Variants in ARHGAP15 observed in about 807,000 individuals in gnomAD.
The protein encoded by ARHGAP15 is Rho GTPase activating protein 15, also known as rho GTPase-activating protein 15.
In ARHGAP15, 51 loss-of-function variants were observed where a neutral mutation model predicts 63.7. The observed-to-expected ratio is 0.80, with a 90% CI of 0.64 to 1.01. The LOEUF (loss-of-function observed/expected upper bound fraction) is 1.01, where lower values mean the gene tolerates loss of function less well. Ranked by LOEUF, ARHGAP15 falls within the 50% of genes least tolerant of loss-of-function variation. The pLI, the probability that ARHGAP15 is intolerant of heterozygous loss-of-function variation, is 0.00. For synonymous variants in ARHGAP15, 191 were observed against 193.8 expected, an observed-to-expected ratio of 0.99 and a Z score of 0.12; for missense variants, 560 against 564.6, an observed-to-expected ratio of 0.99 and a Z score of 0.08.
chr2:143,561,830 T>C (rs1347041405), intron 11 of ARHGAP15, among the ~76,000 whole-genome samples: 1 of 152,126 alleles, frequency 6.6e-6, no homozygotes, highest in Non-Finnish European at 1.5e-5. Context: ...AGAAACAAAA[T>C]TTGAAGAAAA....
At chr2:143,465,724 T>G (rs1279706566) in intron 8 of ARHGAP15, among the ~76,000 whole-genome samples, 1 of 152,116 alleles carries the variant, frequency 6.6e-6, no homozygotes, top group African/African-American at 2.4e-5. Context: ...TTTTTTTTCT[T>G]TTCATCACTA....
At chr2:143,658,547 T>G (rs1160969627) in intron 12 of ARHGAP15, among the ~76,000 whole-genome samples, 1 of 152,148 alleles carries the variant, frequency 6.6e-6, no homozygotes, top group Non-Finnish European at 1.5e-5. Flanking sequence ...AGGCAATTTT[T>G]TGGCTCATGG....
At chr2:143,299,478 A>C (rs1169030234) in intron 6 of ARHGAP15, among the ~76,000 whole-genome samples, 1 of 152,030 alleles carries the variant, frequency 6.6e-6, no homozygotes, top group Non-Finnish European at 1.5e-5. Context: ...ATATTACATT[A>C]TGTAATGTTA....
intron 6 of ARHGAP15, among the ~76,000 whole-genome samples, chr2:143,294,075 G>T (rs1157226349): frequency 6.6e-6 from 1 of 151,892 alleles, no homozygotes; most frequent in Non-Finnish European, 1.5e-5. Context: ...TCTCCTCTAA[G>T]CCCTTCCTTT....
At chr2:143,262,535 A>ATTTTGTTTTTTTTTT (rs1680774422) in intron 6 of ARHGAP15, among the ~76,000 whole-genome samples, 1 of 90,924 alleles carries the variant, frequency 1.1e-5, no homozygotes, top group African/African-American at 4.7e-5. Flanking sequence ...TGAACCTTTG[A>ATTTTGTTTTTTTTTT]TTTTTTTTTT....
intron 5 of ARHGAP15, among the ~76,000 whole-genome samples, chr2:143,234,348 G>A (rs1693559171): frequency 6.6e-6 from 1 of 152,034 alleles, no homozygotes; most frequent in African/African-American, 2.4e-5. Flanking sequence ...TGGTTCTTAT[G>A]TTGCTTTGTT....
intron 13 of ARHGAP15, among the ~76,000 whole-genome samples, chr2:143,754,037 T>A (rs10803497): frequency 0.18 from 26,652 of 152,052 alleles, 2,736 homozygotes; most frequent in East Asian, 0.45. Context: ...ATGTAATTAT[T>A]GTGCCAACAT....
intron 6 of ARHGAP15, among the ~76,000 whole-genome samples, chr2:143,330,119 A>AAC (rs1684464347): frequency 3.0e-5 from 2 of 67,154 alleles, no homozygotes; most frequent in African/African-American, 6.9e-5. Flanking sequence ...AAAAAAAAAA[A>AAC]AAAAAAAAAA....
intron 6 of ARHGAP15, among the ~76,000 whole-genome samples, chr2:143,324,043 T>C (rs1399319426): frequency 3.3e-5 from 5 of 152,150 alleles, no homozygotes; most frequent in Non-Finnish European, 5.9e-5. Context: ...ATGAAGAAGT[T>C]GAGGCCATGT....
At chr2:143,439,059 T>A (rs1469264207) in intron 8 of ARHGAP15, among the ~76,000 whole-genome samples, 1 of 152,158 alleles carries the variant, frequency 6.6e-6, no homozygotes, top group Non-Finnish European at 1.5e-5. Context: ...TCACTACTTC[T>A]CTTTAGAATC....
At chr2:143,238,321 T>C (rs903533838) in intron 5 of ARHGAP15, 13 of 151,878 alleles carry the variant, frequency 8.6e-5, no homozygotes, top group Admixed American at 7.9e-4. Context: ...ATATCCAGAG[T>C]CTATAAGGAA....
chr2:143,266,897 CTA>C (rs1322398032), intron 6 of ARHGAP15, among the ~76,000 whole-genome samples: 1 of 152,124 alleles, frequency 6.6e-6, no homozygotes, highest in Admixed American at 6.5e-5. Context: ...ATAGGCTAAA[CTA>C]TGCTTTGAGA....
intron 6 of ARHGAP15, among the ~76,000 whole-genome samples, chr2:143,391,751 C>T (rs896750049): frequency 4.6e-5 from 7 of 152,004 alleles, no homozygotes; most frequent in Admixed American, 6.6e-5. Context: ...TTGGAACAGC[C>T]GAAGAAGACC....
At chr2:143,166,076 C>A (rs1273906658) in intron 2 of ARHGAP15, among the ~76,000 whole-genome samples, 6 of 150,334 alleles carry the variant, frequency 4.0e-5, no homozygotes, top group Admixed American at 2.6e-4. Context: ...AAAATATCTT[C>A]TTTCTTGTCT....
intron 2 of ARHGAP15, among the ~76,000 whole-genome samples, chr2:143,156,827 T>G (rs1019536953): frequency 6.6e-6 from 1 of 151,942 alleles, no homozygotes; most frequent in Non-Finnish European, 1.5e-5. Context: ...AAGTATTGTC[T>G]CCTGGGAGGT....
chr2:143,732,389 T>C (rs879565630), intron 13 of ARHGAP15, among the ~76,000 whole-genome samples: 1 of 152,248 alleles, frequency 6.6e-6, no homozygotes, highest in African/African-American at 2.4e-5. Context: ...ATTTTAAGTA[T>C]ATTTTAACTT....
intron 13 of ARHGAP15, among the ~76,000 whole-genome samples, chr2:143,739,291 T>C (rs1685872118): frequency 6.6e-6 from 1 of 151,584 alleles, no homozygotes; most frequent in African/African-American, 2.4e-5. Flanking sequence ...CCTGCTGGGG[T>C]TCAAAGCTAG....
intron 6 of ARHGAP15, among the ~76,000 whole-genome samples, chr2:143,329,297 A>G (rs1046498478): frequency 6.6e-6 from 1 of 152,254 alleles, no homozygotes; most frequent in Non-Finnish European, 1.5e-5. Context: ...AAAGGAGATG[A>G]TCCTGAGTGG....
intron 9 of ARHGAP15, among the ~76,000 whole-genome samples, chr2:143,493,609 A>G (rs768672223): frequency 7.2e-5 from 11 of 151,988 alleles, no homozygotes; most frequent in Non-Finnish European, 1.5e-4. Flanking sequence ...CATTCTCTCA[A>G]ACTGTCTGTG....
Sources: gnomAD v4.1 joint callset for allele counts (sites outside exome capture counted in the v4.1 genomes callset) on GRCh38, gnomAD v4.1.1 for gene constraint, MANE v1.5 for transcripts, NCBI Gene and HGNC (gene_info 2026-07-23, HGNC 2026-07-21) for gene names.